The following NEGR1 variants were observed in gnomAD, a reference collection of about 807,000 sequenced individuals.
NEGR1 encodes IgLON family member 4.
NEGR1 carries 10 observed loss-of-function variants against 40.9 expected under a neutral mutation model. The ratio of observed to expected loss-of-function variants is 0.24; its 90% CI spans 0.15 to 0.42. NEGR1 has a LOEUF of 0.42. Ranked by LOEUF, NEGR1 falls within the 10% of genes least tolerant of loss-of-function variation. The pLI, the probability that NEGR1 is intolerant of heterozygous loss-of-function variation, is 1.00. For missense variants in NEGR1, 352 were observed against 438.9 expected (o/e 0.80, Z 1.77); for synonymous variants, 185 against 166.8 (o/e 1.11, Z -0.84).
chr1:71,579,897 C>T lies in NEGR1; in HGVS notation c.940+12920G>A, dbSNP rs148642674. Among the ~76,000 whole-genome samples the T allele has an allele frequency of 2.1e-3, 326 of 152,204 alleles. 2 individuals carry two copies. The highest frequency in any genetic ancestry group is 7.4e-3 in the African/African-American group (308 of 41,532). ...CCTTAGGAAAAAATGAATGATATTG[C>T]TTAAAATCTACTGTGGAGTGGGAAT... On this transcript the variant is annotated intron_variant, in intron 6 of 6. Coordinates refer to ENST00000357731, the MANE Select transcript of NEGR1 (RefSeq NM_173808.3).
intron 3 of NEGR1, among the ~76,000 whole-genome samples, chr1:71,750,834 T>C (rs1227468794): frequency 6.6e-6 from 1 of 152,186 alleles, no homozygotes; most frequent in Non-Finnish European, 1.5e-5. Flanking sequence ...TTTCTTTAAA[T>C]GGTTTCATCA....
At chr1:71,547,139 T>TG (rs776756856) in intron 6 of NEGR1, among the ~76,000 whole-genome samples, 8 of 151,794 alleles carry the variant, frequency 5.3e-5, no homozygotes, top group Non-Finnish European at 7.4e-5. Flanking sequence ...AAAGTTTTGA[T>TG]GTTTTTGTTT....
chr1:72,142,892 G>A (rs1557547952), intron 1 of NEGR1, among the ~76,000 whole-genome samples: 1 of 151,688 alleles, frequency 6.6e-6, no homozygotes, highest in Admixed American at 6.6e-5. Context: ...CAAATTAATT[G>A]CATTATTCTG....
At chr1:71,451,538 G>A (rs550545326) in intron 6 of NEGR1, among the ~76,000 whole-genome samples, 2 of 152,090 alleles carry the variant, frequency 1.3e-5, no homozygotes, top group South Asian at 2.1e-4. Flanking sequence ...GTTTCACCAC[G>A]TTGGCCAGGC....
chr1:71,421,783 A>T (rs1346081778), intron 6 of NEGR1, among the ~76,000 whole-genome samples: 1 of 152,134 alleles, frequency 6.6e-6, no homozygotes, highest in Non-Finnish European at 1.5e-5. Flanking sequence ...CATTATAAAA[A>T]GGTTTGGGCT....
At chr1:71,715,874 G>A (rs1203864344) in intron 3 of NEGR1, among the ~76,000 whole-genome samples, 2 of 151,992 alleles carry the variant, frequency 1.3e-5, no homozygotes, top group African/African-American at 4.8e-5. Context: ...CCTCCAAACT[G>A]TTCCAGCCTC....
At chr1:71,799,550 GTA>G (rs1409314178) in intron 2 of NEGR1, among the ~76,000 whole-genome samples, 1 of 152,098 alleles carries the variant, frequency 6.6e-6, no homozygotes, top group African/African-American at 2.4e-5. Flanking sequence ...AATCCTTTGG[GTA>G]TATACCCAGT....
chr1:71,435,643 C>T (rs969862623), intron 6 of NEGR1, among the ~76,000 whole-genome samples: 1 of 152,142 alleles, frequency 6.6e-6, no homozygotes, highest in Non-Finnish European at 1.5e-5. Context: ...CAGTTGGGCT[C>T]ATGATTAGGA....
chr1:71,952,866 A>C (rs1028112403), intron 1 of NEGR1, among the ~76,000 whole-genome samples: 5 of 151,762 alleles, frequency 3.3e-5, no homozygotes, highest in Admixed American at 6.6e-5. Context: ...CCAGTGATTT[A>C]TAAATTGGAC....
intron 2 of NEGR1, among the ~76,000 whole-genome samples, chr1:71,809,819 T>C (rs1043147737): frequency 6.6e-6 from 1 of 152,112 alleles, no homozygotes; most frequent in Non-Finnish European, 1.5e-5. Flanking sequence ...CCAGTGTCAC[T>C]TGGTTACAAG....
chr1:72,180,671 C>T (rs963320127), intron 1 of NEGR1, among the ~76,000 whole-genome samples: 1 of 151,888 alleles, frequency 6.6e-6, no homozygotes, highest in African/African-American at 2.4e-5. Context: ...GACATTTCTC[C>T]GAATAAGACG....
At chr1:71,916,350 C>A (rs916957505) in intron 2 of NEGR1, among the ~76,000 whole-genome samples, 1 of 152,046 alleles carries the variant, frequency 6.6e-6, no homozygotes, top group Non-Finnish European at 1.5e-5. Flanking sequence ...GGATAGTAAG[C>A]AACAGACAGC....
intron 1 of NEGR1, among the ~76,000 whole-genome samples, chr1:72,220,979 T>C (rs1415987318): frequency 6.6e-6 from 1 of 151,080 alleles, no homozygotes; most frequent in Non-Finnish European, 1.5e-5. Context: ...CATATAAAAT[T>C]ACCATAATCT....
intron 1 of NEGR1, among the ~76,000 whole-genome samples, chr1:72,277,333 T>C (rs1269580036): frequency 3.3e-5 from 5 of 152,068 alleles, no homozygotes; most frequent in African/African-American, 1.2e-4. Flanking sequence ...TTTCTGTAAA[T>C]TCTTTAGAAG....
intron 4 of NEGR1, among the ~76,000 whole-genome samples, chr1:71,611,567 A>C (rs1158650908): frequency 6.6e-6 from 1 of 152,230 alleles, no homozygotes; most frequent in Non-Finnish European, 1.5e-5. Context: ...TGATGGTATT[A>C]TCTCAATTTT....
intron 2 of NEGR1, among the ~76,000 whole-genome samples, chr1:71,813,616 T>A (rs1200321977): frequency 6.6e-6 from 1 of 152,294 alleles, no homozygotes; most frequent in African/African-American, 2.4e-5. Flanking sequence ...CTTTGAGAAG[T>A]AGTTTGTAGT....
At chr1:71,680,504 C>T (rs1462125239) in intron 4 of NEGR1, among the ~76,000 whole-genome samples, 3 of 152,128 alleles carry the variant, frequency 2.0e-5, no homozygotes, top group South Asian at 2.1e-4. Flanking sequence ...CACAGATAAA[C>T]ATTAGACTAA....
At chr1:72,114,454 G>C (rs1557533594) in intron 1 of NEGR1, among the ~76,000 whole-genome samples, 1 of 151,672 alleles carries the variant, frequency 6.6e-6, no homozygotes, top group Non-Finnish European at 1.5e-5. Context: ...TCATTTGATA[G>C]ATAGGATAGA....
At chr1:72,000,069 A>G (rs1033707122) in intron 1 of NEGR1, among the ~76,000 whole-genome samples, 7 of 152,016 alleles carry the variant, frequency 4.6e-5, no homozygotes, top group Non-Finnish European at 8.8e-5. Flanking sequence ...TGCTAAAACC[A>G]AGGCTCAAAT....
Sources: allele counts gnomAD v4.1 joint callset (sites outside exome capture counted in the v4.1 genomes callset), GRCh38; gene constraint gnomAD v4.1.1; transcripts MANE v1.5; gene names NCBI Gene and HGNC (gene_info 2026-07-23, HGNC 2026-07-21).